Variants in KATNAL2 observed in about 807,000 individuals in gnomAD.
KATNAL2 encodes katanin catalytic subunit A1 like 2.
A neutral mutation model predicts 76.3 loss-of-function variants in KATNAL2; 52 were observed. The ratio of observed to expected loss-of-function variants is 0.68; its 90% CI spans 0.55 to 0.86. The LOEUF (loss-of-function observed/expected upper bound fraction) is 0.86. KATNAL2 is among the 40% of genes least tolerant of loss of function. KATNAL2 has a pLI of 0.00. For synonymous variants in KATNAL2, 243 were observed against 244.2 expected (o/e 1.00, Z 0.05); for missense variants, 660 against 668.9 (o/e 0.99, Z 0.15).
chr18:46,925,233 C>G lies in KATNAL2; in HGVS notation c.-510+7307C>G, dbSNP rs543706775. On this transcript the variant is annotated intron_variant, in intron 1 of 17. Transcript: ENST00000683218. Reference sequence around the variant, plus strand: ...GGCTGTGGGTTTCTCATAGATAGCTCTTATTATTTTGAGATACGTCCCATC... The same window carrying G: ...GGCTGTGGGTTTCTCATAGATAGCTGTTATTATTTTGAGATACGTCCCATC... Among the ~76,000 whole-genome samples the G allele has an allele frequency of 1.4e-4, 21 of 152,186 alleles. No homozygotes were observed. The South Asian group carries it at 4.4e-3, about 32-fold the overall frequency.
chr18:47,034,685 C>T (rs777399852), intron 3 of KATNAL2: 4 of 1,613,318 alleles, frequency 2.5e-6, no homozygotes, highest in South Asian at 1.1e-5. Flanking sequence ...TGGCCTCTTC[C>T]GGGTTGCTTC....
chr18:47,099,308 A>G lies in KATNAL2; in HGVS notation c.1277A>G (p.Glu426Gly). ...ATTCTGGTCGATCTCCCCAGCCGGG[A>G]GGCCAGGCAGGCCATGATCTACCAC... is the stretch of plus-strand genomic sequence containing the variant. ...KRILVDLPSR[E>G]ARQAMIYHWL... Residue 426 changes from glutamate (E) to glycine (G), a missense_variant, in exon 16 of 18, where the codon GAG (glutamate) becomes GGG (glycine). Physicochemically the swap from Glu to Gly is moderately conservative, Grantham distance 98 (BLOSUM62 -2). Transcript: ENST00000683218. The G allele has an allele frequency of 6.2e-7, 1 of 1,614,116 alleles. No individual in the cohort carries two copies. The highest frequency in any genetic ancestry group is 8.5e-7 in the Non-Finnish European group (1 of 1,179,996).
At chr18:47,042,765 T>C (rs1198420619) in intron 3 of KATNAL2, among the ~76,000 whole-genome samples, 10 of 152,034 alleles carry the variant, frequency 6.6e-5, no homozygotes, top group African/African-American at 2.2e-4. Flanking sequence ...TAATAGGTAT[T>C]CATAAAAATA....
At chr18:47,066,161 A>C (rs2147173224) in intron 10 of KATNAL2, among the ~76,000 whole-genome samples, 1 of 151,736 alleles carries the variant, frequency 6.6e-6, no homozygotes, top group East Asian at 1.9e-4. Flanking sequence ...TATAAATATA[A>C]TAATTAGTTT....
chr18:47,099,456 C>T (rs755486292), intron 16 of KATNAL2, 51 bp downstream of exon 16: 4 of 1,517,314 alleles, frequency 2.6e-6, no homozygotes, highest in Admixed American at 4.1e-5. Context: ...CACCATATGG[C>T]CATCTTGTAG....
At chr18:46,927,299 G>T (rs577046788) in intron 1 of KATNAL2, among the ~76,000 whole-genome samples, 25 of 152,200 alleles carry the variant, frequency 1.6e-4, no homozygotes, top group African/African-American at 6.0e-4. Flanking sequence ...AAATCTCTCA[G>T]CATCTGCTTG....
rs114361580 is a variant in KATNAL2, at chr18:47,069,455, G to A, written c.890-27G>A. On this transcript the variant is annotated intron_variant, in intron 12 of 17. Coordinates refer to ENST00000683218, the MANE Select transcript of KATNAL2 (RefSeq NM_001387690.1). ...GCAGGGGGATGGAGTTGAAATGCCTGCTCATCTTTTATGTGTTTCTCTTTA... is the reference window on the plus strand; with the variant it reads ...GCAGGGGGATGGAGTTGAAATGCCTACTCATCTTTTATGTGTTTCTCTTTA... The A allele has an allele frequency of 3.1e-3, 4,807 of 1,551,212 alleles. 147 individuals are homozygous for A. In the African/African-American group the frequency reaches 0.058, roughly 19 times the overall value.
chr18:46,946,888 C>T lies in KATNAL2; in HGVS notation c.16C>T (p.Gln6Ter). 1.3e-6 allele frequency: 2 copies of T among 1,535,856 alleles called. No individual in the cohort carries two copies. Among genetic ancestry groups the T allele is most frequent in the Middle Eastern group, 1.7e-4 (1 of 5,986 alleles). The change falls in exon 3 of 18, where the codon CAG becomes TAG. Residue 6 changes from glutamine (Q) to a stop codon, truncating the protein, a stop_gained. Transcript: ENST00000683218. LOFTEE classifies it high-confidence loss of function. The stretch of plus-strand genomic sequence containing the variant: ...ACAGTGTCTGATGGAGCTTTCCTAC[C>T]AGACCCTGAAATTCACGCATCAGGC... MELSY[Q>*]TLKFTHQARE...
intron 15 of KATNAL2, among the ~76,000 whole-genome samples, chr18:47,096,406 A>G (rs958510799): frequency 6.6e-5 from 10 of 152,106 alleles, no homozygotes; most frequent in Admixed American, 6.5e-4. Flanking sequence ...CAATAGTATG[A>G]TCTCGGCTCA....
intron 3 of KATNAL2, among the ~76,000 whole-genome samples, chr18:47,031,937 C>T (rs913989921): frequency 2.0e-5 from 3 of 152,096 alleles, no homozygotes; most frequent in Admixed American, 6.5e-5. Context: ...GATTACCAGC[C>T]CGTGTGAGGC....
chr18:46,938,454 G>A (rs2059153756), intron 1 of KATNAL2, among the ~76,000 whole-genome samples: 1 of 152,066 alleles, frequency 6.6e-6, no homozygotes, highest in Non-Finnish European at 1.5e-5. Flanking sequence ...CAAAATGTTA[G>A]GATTTGATAG....
chr18:46,936,643 T>A (rs2059100957), intron 1 of KATNAL2, among the ~76,000 whole-genome samples: 1 of 152,118 alleles, frequency 6.6e-6, no homozygotes, highest in African/African-American at 2.4e-5. Flanking sequence ...TGAATGATGA[T>A]GAAAATACTA....
At chr18:46,921,672 A>G (rs898064522) in intron 1 of KATNAL2, among the ~76,000 whole-genome samples, 2 of 151,814 alleles carry the variant, frequency 1.3e-5, no homozygotes, top group Non-Finnish European at 1.5e-5. Flanking sequence ...TTTTGAATCT[A>G]AACAGCTGAT....
intron 15 of KATNAL2, among the ~76,000 whole-genome samples, chr18:47,079,939 G>A (rs932594297): frequency 9.2e-5 from 14 of 152,070 alleles, no homozygotes; most frequent in African/African-American, 3.1e-4. Flanking sequence ...ATTGATCACC[G>A]GGTTCAGGTG....
chr18:47,039,579 A>T (rs1448652507), intron 3 of KATNAL2, among the ~76,000 whole-genome samples: 1 of 152,118 alleles, frequency 6.6e-6, no homozygotes, highest in African/African-American at 2.4e-5. Flanking sequence ...GAGTATTTCT[A>T]TAATATAGTG....
At chr18:47,054,113 G>C (rs1055204306) in intron 5 of KATNAL2, among the ~76,000 whole-genome samples, 1 of 152,220 alleles carries the variant, frequency 6.6e-6, no homozygotes, top group African/African-American at 2.4e-5. Context: ...TGTAAAGCTA[G>C]CCTATATTGG....
At chr18:47,040,162 A>T (rs1045873684) in intron 3 of KATNAL2, among the ~76,000 whole-genome samples, 3 of 152,250 alleles carry the variant, frequency 2.0e-5, no homozygotes, top group Non-Finnish European at 2.9e-5. Flanking sequence ...CTTTTGAAGG[A>T]GGTCTAGCCA....
intron 1 of KATNAL2, among the ~76,000 whole-genome samples, chr18:46,943,660 C>T (rs2059309131): frequency 6.6e-6 from 1 of 152,252 alleles, no homozygotes; most frequent in Non-Finnish European, 1.5e-5. Flanking sequence ...ATCAGGGCTG[C>T]CCTGCCTATG....
At chr18:46,928,691 A>G (rs1320423180) in intron 1 of KATNAL2, among the ~76,000 whole-genome samples, 1 of 151,698 alleles carries the variant, frequency 6.6e-6, no homozygotes, top group Non-Finnish European at 1.5e-5. Flanking sequence ...CTATTTGGCC[A>G]TCTTGGCTCC....
Sources: allele counts gnomAD v4.1 joint callset (sites outside exome capture counted in the v4.1 genomes callset), GRCh38; gene constraint gnomAD v4.1.1; transcripts MANE v1.5; gene names NCBI Gene and HGNC (gene_info 2026-07-23, HGNC 2026-07-21).